Variants in LURAP1L observed in about 807,000 individuals in gnomAD.
LURAP1L encodes the protein leucine rich adaptor protein 1-like.
In LURAP1L, 12 loss-of-function variants were observed where a neutral mutation model predicts 13.8. That is an observed-to-expected ratio of 0.87 (90% CI 0.56 to 1.41). LURAP1L has a LOEUF of 1.41. Ranked by LOEUF, LURAP1L falls within the 40% of genes most tolerant of loss-of-function variation. LURAP1L has a pLI of 0.00. For missense variants in LURAP1L, 375 were observed against 292.9 expected (o/e 1.28, Z -2.04); for synonymous variants, 139 against 119.2 (o/e 1.17, Z -1.08).
At chr9:12,800,977 C>T (rs989276547) in intron 1 of LURAP1L, among the ~76,000 whole-genome samples, 1 of 152,136 alleles carries the variant, frequency 6.6e-6, no homozygotes, top group Non-Finnish European at 1.5e-5. Context: ...ACTGTCACAG[C>T]ATTTCTCAGG....
chr9:12,797,199 C>A (rs1388989939), intron 1 of LURAP1L, among the ~76,000 whole-genome samples: 2 of 152,002 alleles, frequency 1.3e-5, no homozygotes, highest in Non-Finnish European at 2.9e-5. Flanking sequence ...CCACCAAGAG[C>A]TTTACTTATG....
chr9:12,801,382 A>G (rs1819583408), intron 1 of LURAP1L, among the ~76,000 whole-genome samples: 1 of 151,968 alleles, frequency 6.6e-6, no homozygotes, highest in Non-Finnish European at 1.5e-5. Context: ...GAATTAGAGA[A>G]GTACATCTTA....
chr9:12,821,202 G>GT lies in LURAP1L; in HGVS notation c.313-176dup, dbSNP rs559697634. Among the ~76,000 whole-genome samples the GT allele has an allele frequency of 1.8e-3, 277 of 151,996 alleles. 5 individuals are homozygous for GT. The highest frequency in any genetic ancestry group is 6.0e-3 in the African/African-American group (249 of 41,436). On this transcript the variant is annotated intron_variant, in intron 1 of 1. Transcript: ENST00000319264. ...GCCTGATGCATCTGGCAGGAAGTGA[G>GT]TTTTTTTTATTATAACTCCTACCAT...
chr9:12,788,611 T>C (rs1230233953), intron 1 of LURAP1L, among the ~76,000 whole-genome samples: 2 of 152,038 alleles, frequency 1.3e-5, no homozygotes, highest in Non-Finnish European at 2.9e-5. Context: ...GATAGAAATT[T>C]ATGTAGCTAT....
intron 1 of LURAP1L, among the ~76,000 whole-genome samples, chr9:12,795,812 T>A (rs906253231): frequency 2.0e-5 from 3 of 152,032 alleles, no homozygotes; most frequent in Non-Finnish European, 4.4e-5. Context: ...TTTTATATCA[T>A]GGGATCATTA....
chr9:12,792,297 T>C (rs971173237), intron 1 of LURAP1L, among the ~76,000 whole-genome samples: 8 of 152,022 alleles, frequency 5.3e-5, no homozygotes, highest in African/African-American at 1.9e-4. Context: ...AAGAGGAAAG[T>C]GAGAATGAAA....
At chr9:12,800,543 AC>A (rs1819571381) in intron 1 of LURAP1L, among the ~76,000 whole-genome samples, 1 of 152,092 alleles carries the variant, frequency 6.6e-6, no homozygotes, top group Non-Finnish European at 1.5e-5. Context: ...CAAAAAAAAA[AC>A]AAAAAACATA....
At chr9:12,803,106 G>A (rs774098922) in intron 1 of LURAP1L, among the ~76,000 whole-genome samples, 1 of 152,120 alleles carries the variant, frequency 6.6e-6, no homozygotes, top group Non-Finnish European at 1.5e-5. Context: ...GCTTTTCCAT[G>A]TGCCACTTTA....
intron 1 of LURAP1L, chr9:12,814,391 T>C (rs1448075256): frequency 3.3e-5 from 5 of 152,228 alleles, no homozygotes; most frequent in African/African-American, 1.2e-4. Context: ...TCATTCTAAA[T>C]GAATCTCGGC....
intron 1 of LURAP1L, among the ~76,000 whole-genome samples, chr9:12,818,042 C>A (rs888669506): frequency 3.3e-5 from 5 of 151,212 alleles, no homozygotes; most frequent in Non-Finnish European, 5.9e-5. Flanking sequence ...TAATCATTAT[C>A]AACCAGATCA....
At chr9:12,789,434 T>C (rs934659959) in intron 1 of LURAP1L, among the ~76,000 whole-genome samples, 7 of 152,182 alleles carry the variant, frequency 4.6e-5, no homozygotes, top group Non-Finnish European at 8.8e-5. Context: ...AATGACAATA[T>C]ACAAATAACT....
intron 1 of LURAP1L, among the ~76,000 whole-genome samples, chr9:12,806,829 G>T (rs989423164): frequency 6.6e-6 from 1 of 151,440 alleles, no homozygotes; most frequent in Non-Finnish European, 1.5e-5. Flanking sequence ...CTCTACCAGG[G>T]TCTAGGAGAA....
intron 1 of LURAP1L, among the ~76,000 whole-genome samples, chr9:12,812,873 T>G (rs2118540361): frequency 6.6e-6 from 1 of 152,328 alleles, no homozygotes; most frequent in Middle Eastern, 3.4e-3. Flanking sequence ...ATACCTGGCT[T>G]ATTCCCTTTT....
chr9:12,821,870 G>T lies in LURAP1L; in HGVS notation c.*110G>T. On this transcript the variant is annotated 3_prime_UTR_variant, in exon 2 of 2. Transcript: ENST00000319264. ...TTTTAATAAGATGACCTTTTTAAAA[G>T]AAGCTGATTTTGAAACTGCTTAATG... 2 of 1,354,740 alleles carry T rather than the reference G, an allele frequency of 1.5e-6. No homozygotes were observed. The highest frequency in any genetic ancestry group is 2.0e-6 in the Non-Finnish European group (2 of 1,001,278). 83.9% of individuals were successfully genotyped at this position (1,354,740 alleles called of 1,614,324 possible). A position where few individuals can be genotyped will look rare whatever the true frequency, so the allele number is the denominator to read the frequency against.
At chr9:12,778,639 T>C (rs112448569) in intron 1 of LURAP1L, among the ~76,000 whole-genome samples, 103 of 152,310 alleles carry the variant, frequency 6.8e-4, no homozygotes, top group African/African-American at 2.4e-3. Context: ...TGTCATCAGA[T>C]ACTCTCTGTA....
Position 12,775,532 on chromosome 9 carries a change from C to T in LURAP1L, c.-184C>T. 2.2e-6 allele frequency: 2 copies of T among 891,068 alleles called. No homozygotes were observed. The highest frequency in any genetic ancestry group is 3.2e-6 in the Non-Finnish European group (2 of 631,594). 55.2% of individuals were successfully genotyped at this position (891,068 alleles called of 1,614,324 possible). On this transcript the variant is annotated 5_prime_UTR_variant, in exon 1 of 2. Coordinates refer to ENST00000319264, the MANE Select transcript of LURAP1L (RefSeq NM_203403.2). Reference sequence around the variant, plus strand: ...TGGGAACTGCAGCTGCGACCCCCCGCGTCCTGTGCGGATTTCAGGGCTGAT... The same window carrying T: ...TGGGAACTGCAGCTGCGACCCCCCGTGTCCTGTGCGGATTTCAGGGCTGAT...
Position 12,821,372 on chromosome 9 carries a change from C to T in LURAP1L, c.313-14C>T. The T allele has an allele frequency of 6.2e-7, 1 of 1,601,282 alleles. No individual in the cohort carries two copies. The highest frequency in any genetic ancestry group is 8.5e-7 in the Non-Finnish European group (1 of 1,170,816). On this transcript the variant is annotated splice_polypyrimidine_tract_variant and intron_variant, in intron 1 of 1. Coordinates refer to ENST00000319264, the MANE Select transcript of LURAP1L (RefSeq NM_203403.2). Reference sequence around the variant, plus strand: ...AAAATGGCTGGAATATCTTTCTTCTCTCTTTGTCCATAGGTTAACCTCAGA... The same window carrying T: ...AAAATGGCTGGAATATCTTTCTTCTTTCTTTGTCCATAGGTTAACCTCAGA...
chr9:12,781,034 C>G (rs951319522), intron 1 of LURAP1L, among the ~76,000 whole-genome samples: 11 of 152,104 alleles, frequency 7.2e-5, no homozygotes, highest in African/African-American at 2.4e-4. Flanking sequence ...TGCAATGGCT[C>G]AATCTCAGCT....
At chr9:12,811,041 A>T (rs750789185) in intron 1 of LURAP1L, among the ~76,000 whole-genome samples, 1 of 152,224 alleles carries the variant, frequency 6.6e-6, no homozygotes, top group Admixed American at 6.5e-5. Context: ...TTATAAAAAA[A>T]ATGTTAACCT....
Sources: gnomAD v4.1 joint callset for allele counts (sites outside exome capture counted in the v4.1 genomes callset) on GRCh38, gnomAD v4.1.1 for gene constraint, MANE v1.5 for transcripts, NCBI Gene and HGNC (gene_info 2026-07-23, HGNC 2026-07-21) for gene names.